The following PDE1C variants were observed in gnomAD, a reference collection of about 807,000 sequenced individuals.
PDE1C encodes the protein phosphodiesterase 1C.
Under a neutral mutation model 93.1 loss-of-function variants are expected in PDE1C, and 62 were observed. That is an observed-to-expected ratio of 0.67 (90% confidence interval 0.54 to 0.82). The LOEUF (loss-of-function observed/expected upper bound fraction) is 0.82, where lower values mean the gene tolerates loss of function less well. PDE1C is among the 40% of genes least tolerant of loss of function. The pLI, the probability that PDE1C is intolerant of heterozygous loss-of-function variation, is 0.00. For missense variants in PDE1C, 742 were observed against 884.6 expected, an observed-to-expected ratio of 0.84 and a Z score of 2.04; for synonymous variants, 325 against 310.1, an observed-to-expected ratio of 1.05 and a Z score of -0.50.
intron 7 of PDE1C, 99 bp downstream of exon 7, chr7:31,864,843 A>AT (rs1309433027): frequency 8.8e-7 from 1 of 1,134,554 alleles, no homozygotes; most frequent in African/African-American, 1.5e-5. Flanking sequence ...AAAACAATGC[A>AT]TGACTCGTGG....
At chr7:32,425,523 A>G (rs1254434837) in intron 1 of PDE1C, among the ~76,000 whole-genome samples, 1 of 151,072 alleles carries the variant, frequency 6.6e-6, no homozygotes, top group Non-Finnish European at 1.5e-5. Context: ...TATAATCAAA[A>G]AGTTAAAGTT....
intron 1 of PDE1C, among the ~76,000 whole-genome samples, chr7:32,280,664 A>C (rs1391856726): frequency 2.0e-5 from 3 of 152,190 alleles, no homozygotes; most frequent in African/African-American, 7.2e-5. Context: ...AAAGTCTAAA[A>C]ATTTTCTAAT....
At chr7:31,871,824 A>T (rs938935220) in intron 6 of PDE1C, among the ~76,000 whole-genome samples, 2 of 152,094 alleles carry the variant, frequency 1.3e-5, no homozygotes, top group African/African-American at 4.8e-5. Context: ...AAATTCTAAA[A>T]GTAGAACTAC....
intron 2 of PDE1C, among the ~76,000 whole-genome samples, chr7:32,185,354 G>A (rs1803784507): frequency 6.6e-6 from 1 of 150,722 alleles, no homozygotes; most frequent in Non-Finnish European, 1.5e-5. Flanking sequence ...TTACAGATTT[G>A]CAGTGCCAGT....
Position 31,873,530 on chromosome 7 carries a change from C to T in PDE1C, c.493-122G>A, listed in dbSNP as rs1381827131. The T allele has an allele frequency of 4.6e-6, 3 of 650,044 alleles. No individual in the cohort carries two copies. The African/African-American group carries it at 5.5e-5, about 12-fold the overall frequency. 40.3% of individuals were successfully genotyped at this position (650,044 alleles called of 1,614,324 possible). ...GAGATTTCACAGTGTGACACTCAAACAGACTTTCCACTCTCAAACTTTTTC... is the reference window on the plus strand; with the variant it reads ...GAGATTTCACAGTGTGACACTCAAATAGACTTTCCACTCTCAAACTTTTTC... On this transcript the variant is annotated intron_variant, in intron 5 of 17. Transcript: ENST00000396191.
chr7:31,655,637 C>A, the PDE1C span: 1 of 590,480 alleles, frequency 1.7e-6, no homozygotes, highest in African/African-American at 2.0e-5. Context: ...CGTCGCCTCC[C>A]ACTGCATCAT....
chr7:32,275,951 A>G (rs1585064808), intron 1 of PDE1C, among the ~76,000 whole-genome samples: 1 of 152,358 alleles, frequency 6.6e-6, no homozygotes, highest in Non-Finnish European at 1.5e-5. Context: ...CTGTAACTGT[A>G]GATACCAGCT....
At chr7:32,312,656 G>T (rs1783072885) in intron 1 of PDE1C, among the ~76,000 whole-genome samples, 1 of 152,298 alleles carries the variant, frequency 6.6e-6, no homozygotes, top group Non-Finnish European at 1.5e-5. Flanking sequence ...AATGGGGAAA[G>T]GATTCCCTAT....
intron 1 of PDE1C, among the ~76,000 whole-genome samples, chr7:32,235,717 T>A (rs1173091689): frequency 6.6e-6 from 1 of 152,028 alleles, no homozygotes. Flanking sequence ...GGTAAAGACA[T>A]CAATTATCCA....
chr7:31,792,046 T>C (rs1270034577), intron 16 of PDE1C, among the ~76,000 whole-genome samples: 1 of 152,074 alleles, frequency 6.6e-6, no homozygotes, highest in Non-Finnish European at 1.5e-5. Context: ...GTGTTCATTG[T>C]CATTAAATAC....
the PDE1C span, among the ~76,000 whole-genome samples, chr7:31,669,489 A>G: frequency 6.6e-6 from 1 of 152,190 alleles, no homozygotes; most frequent in Non-Finnish European, 1.5e-5. Flanking sequence ...TTTTCCCTTC[A>G]AAAAGCACTG....
At chr7:31,823,335 G>T (rs1789234369) in intron 13 of PDE1C, 87 bp from the exon 14 acceptor site, 2 of 1,046,092 alleles carry the variant, frequency 1.9e-6, no homozygotes, top group Admixed American at 2.4e-5. Context: ...GGAATGGTTA[G>T]CACTCCTAAA....
At chr7:31,792,251 A>G (rs1350581216) in intron 16 of PDE1C, among the ~76,000 whole-genome samples, 1 of 152,052 alleles carries the variant, frequency 6.6e-6, no homozygotes, top group African/African-American at 2.4e-5. Context: ...TCCAACCCAG[A>G]CTGCTGACTC....
At chr7:31,947,928 G>A (rs113237421) in intron 2 of PDE1C, among the ~76,000 whole-genome samples, 1 of 152,312 alleles carries the variant, frequency 6.6e-6, no homozygotes, top group African/African-American at 2.4e-5. Flanking sequence ...AGAAAATGCA[G>A]TAAGATGTGC....
At position 32,134,891 on chromosome 7, in the gene PDE1C, G is replaced by A. The variant is rs964331525; in HGVS notation, c.308+34894C>T. The stretch of plus-strand genomic sequence containing the variant: ...GTATACCCATGTAACAAACCTGCAC[G>A]TTCTGCACATGTATCCCAGAACTTA... On this transcript the variant is annotated intron_variant, in intron 3 of 18. Transcript: ENST00000396193. Among the ~76,000 whole-genome samples the A allele has an allele frequency of 3.9e-5, 6 of 152,138 alleles. No homozygotes were observed. In the South Asian group the frequency reaches 6.2e-4, roughly 16 times the overall value.
At chr7:31,864,557 G>A (rs939981922) in intron 7 of PDE1C, among the ~76,000 whole-genome samples, 11 of 152,152 alleles carry the variant, frequency 7.2e-5, no homozygotes, top group Non-Finnish European at 1.0e-4. Flanking sequence ...CTAACTTTGC[G>A]TAACACGGTT....
In PDE1C at chr7:31,770,339, T is replaced by C. The variant is rs183241658; in HGVS notation, c.1960+5325A>G. ...GTGATTCTCAAATATTTTCTCTCTG[T>C]GGATTGTCTTTCCACGTTCTTGATA... On this transcript the variant is annotated intron_variant, in intron 17 of 17. Coordinates refer to ENST00000396191, the MANE Select transcript of PDE1C (RefSeq NM_001191057.4). Among the ~76,000 whole-genome samples, 5 of 152,328 alleles carry C rather than the reference T, an allele frequency of 3.3e-5. No individual in the cohort carries two copies. In the East Asian group the frequency reaches 7.7e-4, roughly 23 times the overall value.
chr7:31,768,882 G>A (rs924398701), intron 17 of PDE1C, among the ~76,000 whole-genome samples: 8 of 151,780 alleles, frequency 5.3e-5, no homozygotes, highest in Non-Finnish European at 1.0e-4. Context: ...TCCAACCTCC[G>A]CCTCCCAGGT....
intron 2 of PDE1C, among the ~76,000 whole-genome samples, chr7:31,912,522 G>GAA (rs200745099): frequency 1.3e-5 from 2 of 151,784 alleles, no homozygotes; most frequent in African/African-American, 2.4e-5. Flanking sequence ...CCCACCTATA[G>GAA]AAAAAATACA....
Sources: gnomAD v4.1 joint callset for allele counts (sites outside exome capture counted in the v4.1 genomes callset) on GRCh38, gnomAD v4.1.1 for gene constraint, MANE v1.5 for transcripts, NCBI Gene and HGNC (gene_info 2026-07-23, HGNC 2026-07-21) for gene names.